Variants in GPR158 observed in about 807,000 individuals in gnomAD.
The protein encoded by GPR158 is metabotropic glycine receptor.
Under a neutral mutation model 78.2 loss-of-function variants are expected in GPR158, and 30 were observed. The observed-to-expected ratio is 0.38, with a 90% CI of 0.29 to 0.52. The LOEUF is 0.52. GPR158 is among the 20% of genes least tolerant of loss of function. GPR158 has a pLI of 0.83. For missense variants in GPR158, 1,463 were observed against 1,523.5 expected (o/e 0.96, Z 0.66); for synonymous variants, 581 against 591.1 (o/e 0.98, Z 0.25).
chr10:25,540,722 C>T (rs1189185564), intron 5 of GPR158, among the ~76,000 whole-genome samples: 3 of 150,852 alleles, frequency 2.0e-5, no homozygotes, highest in Non-Finnish European at 4.4e-5. Flanking sequence ...TGTTCTCACT[C>T]ATAGGTGGGA....
intron 8 of GPR158, among the ~76,000 whole-genome samples, chr10:25,590,115 T>G (rs1837321810): frequency 6.6e-6 from 1 of 152,008 alleles, no homozygotes; most frequent in Non-Finnish European, 1.5e-5. Flanking sequence ...GGGGGAATTT[T>G]GTAGGATGCC....
intron 5 of GPR158, among the ~76,000 whole-genome samples, chr10:25,492,876 T>C (rs1209111309): frequency 6.7e-6 from 1 of 148,402 alleles, no homozygotes; most frequent in African/African-American, 2.4e-5. Flanking sequence ...AATATATAAT[T>C]GATATATAAA....
At chr10:25,460,446 C>A (rs749062980) in intron 4 of GPR158, among the ~76,000 whole-genome samples, 1 of 152,168 alleles carries the variant, frequency 6.6e-6, no homozygotes, top group African/African-American at 2.4e-5. Context: ...CCGCCCACCT[C>A]GGCCTCCCTA....
chr10:25,517,583 G>C (rs200379282), intron 5 of GPR158, among the ~76,000 whole-genome samples: 3,760 of 151,770 alleles, frequency 0.025, 172 homozygotes, highest in African/African-American at 0.085. Context: ...TAGCATGAAG[G>C]GTTGTTGAAT....
chr10:25,493,642 T>C (rs1351813371), intron 5 of GPR158, among the ~76,000 whole-genome samples: 1 of 152,226 alleles, frequency 6.6e-6, no homozygotes, highest in Non-Finnish European at 1.5e-5. Flanking sequence ...CACTATCTGA[T>C]TCAGGCAGTC....
At chr10:25,529,262 C>T (rs1291140971) in intron 5 of GPR158, among the ~76,000 whole-genome samples, 2 of 152,012 alleles carry the variant, frequency 1.3e-5, no homozygotes, top group Non-Finnish European at 2.9e-5. Flanking sequence ...TGGCGGGCAC[C>T]TGTAATCCCA....
chr10:25,521,762 A>G (rs1470436169), intron 5 of GPR158, among the ~76,000 whole-genome samples: 1 of 152,254 alleles, frequency 6.6e-6, no homozygotes, highest in Non-Finnish European at 1.5e-5. Context: ...CTAATGCAGC[A>G]CACATCAAAT....
At position 25,188,421 on chromosome 10, in the gene GPR158, G is replaced by T. The variant is rs551106350; in HGVS notation, c.902+12099G>T. Among the ~76,000 whole-genome samples, 17 of 152,234 alleles carry T rather than the reference G, an allele frequency of 1.1e-4. No homozygotes were observed. The South Asian group carries it at 2.9e-3, about 26-fold the overall frequency. On this transcript the variant is annotated intron_variant, in intron 1 of 10. Transcript: ENST00000376351. ...ACAGTATCCAAAACAGCATGGTACT[G>T]GTATCAAACACAGATATAGACCAAT...
chr10:25,515,323 G>A (rs1836148823), intron 5 of GPR158, among the ~76,000 whole-genome samples: 1 of 151,038 alleles, frequency 6.6e-6, no homozygotes, highest in African/African-American at 2.4e-5. Context: ...CGCTAAGTAT[G>A]TCCTTCATTT....
chr10:25,515,766 T>C, intron 5 of GPR158, among the ~76,000 whole-genome samples: 2 of 147,120 alleles, frequency 1.4e-5, no homozygotes, highest in African/African-American at 5.1e-5. Context: ...ATCCAGTCTA[T>C]CATTGTTGGA....
At chr10:25,584,392 G>T (rs1254186694) in intron 7 of GPR158, among the ~76,000 whole-genome samples, 1 of 152,058 alleles carries the variant, frequency 6.6e-6, no homozygotes, top group African/African-American at 2.4e-5. Flanking sequence ...ATAATAAATT[G>T]TTTTTCAGCT....
intron 2 of GPR158, among the ~76,000 whole-genome samples, chr10:25,272,142 G>A (rs1035642783): frequency 6.6e-6 from 1 of 152,160 alleles, no homozygotes; most frequent in Non-Finnish European, 1.5e-5. Context: ...GAACATTTCT[G>A]ATTAATAGTA....
intron 2 of GPR158, among the ~76,000 whole-genome samples, chr10:25,314,885 A>ATATATATATATATATATATG (rs1329409723): frequency 6.7e-5 from 8 of 120,296 alleles, no homozygotes; most frequent in South Asian, 5.7e-4. Context: ...ATATATATAT[A>ATATATATATATATATATATG]TGACTAATGA....
intron 5 of GPR158, among the ~76,000 whole-genome samples, chr10:25,506,466 T>G (rs1191639602): frequency 2.0e-5 from 3 of 152,218 alleles, no homozygotes; most frequent in African/African-American, 7.2e-5. Context: ...AAAATATAAG[T>G]AAAGAAGAAA....
chr10:25,473,296 G>A (rs1044523191), intron 5 of GPR158, among the ~76,000 whole-genome samples: 2 of 152,046 alleles, frequency 1.3e-5, no homozygotes, highest in African/African-American at 4.8e-5. Context: ...TGCATCCCAG[G>A]GATGAAGCCC....
intron 8 of GPR158, among the ~76,000 whole-genome samples, chr10:25,589,419 G>A (rs1253004054): frequency 1.3e-5 from 2 of 152,120 alleles, no homozygotes. Flanking sequence ...GAAATGTAAT[G>A]GAATATTGTT....
intron 4 of GPR158, among the ~76,000 whole-genome samples, chr10:25,426,287 T>A (rs1222203829): frequency 1.3e-5 from 2 of 152,164 alleles, no homozygotes; most frequent in African/African-American, 4.8e-5. Context: ...TAAGGCTATT[T>A]TGCTTTCTTA....
At chr10:25,481,578 T>C (rs1276994199) in intron 5 of GPR158, among the ~76,000 whole-genome samples, 2 of 152,212 alleles carry the variant, frequency 1.3e-5, no homozygotes, top group Non-Finnish European at 2.9e-5. Flanking sequence ...TGCATGCTGC[T>C]GTGAACATTA....
chr10:25,382,400 A>G (rs746024836), intron 2 of GPR158, among the ~76,000 whole-genome samples: 17 of 141,258 alleles, frequency 1.2e-4, no homozygotes, highest in Non-Finnish European at 2.7e-4. Context: ...ACATAAGAAC[A>G]TTTCAAAAAT....
Sources: gnomAD v4.1 joint callset for allele counts (sites outside exome capture counted in the v4.1 genomes callset) on GRCh38, gnomAD v4.1.1 for gene constraint, MANE v1.5 for transcripts, NCBI Gene and HGNC (gene_info 2026-07-23, HGNC 2026-07-21) for gene names.